TGM4: variants seen among roughly 807,000 people sequenced by gnomAD.
The protein encoded by TGM4 is transglutaminase 4.
Under a neutral mutation model 76.3 loss-of-function variants are expected in TGM4, and 61 were observed. The ratio of observed to expected loss-of-function variants is 0.80; its 90% confidence interval spans 0.65 to 0.99. The LOEUF (loss-of-function observed/expected upper bound fraction) is 0.99. Ranked by LOEUF, TGM4 falls within the 50% of genes least tolerant of loss-of-function variation. TGM4 has a pLI of 0.00. For missense variants in TGM4, 794 were observed against 843.2 expected (o/e 0.94, Z 0.72); for synonymous variants, 337 against 329.8 (o/e 1.02, Z -0.24).
Position 44,910,386 on chromosome 3 carries a change from A to C in TGM4, c.1606+18A>C, listed in dbSNP as rs1699987409. On this transcript the variant is annotated intron_variant, in intron 11 of 13. Transcript: ENST00000296125. ...AGGTCAAGGTACCAGAACCAGAGGG[A>C]GGAGAGGCCTCAAGTGGGCTCAGGG... 2.5e-6 allele frequency: 4 copies of C among 1,608,974 alleles called. No homozygotes were observed. The highest frequency in any genetic ancestry group is 2.7e-5 in the African/African-American group (2 of 74,766).
intron 1 of TGM4, among the ~76,000 whole-genome samples, chr3:44,879,249 C>T (rs1043656509): frequency 2.1e-5 from 2 of 93,622 alleles, no homozygotes; most frequent in African/African-American, 6.5e-5. Context: ...CTCTCTCTCT[C>T]TCTCTCTCTC....
At chr3:44,891,983 G>A (rs1699705248) in intron 4 of TGM4, among the ~76,000 whole-genome samples, 1 of 151,178 alleles carries the variant, frequency 6.6e-6, no homozygotes, top group South Asian at 2.1e-4. Context: ...AATAGGCCAG[G>A]CGCGGTGGCT....
At chr3:44,912,416 C>T (rs899404583) in intron 13 of TGM4, among the ~76,000 whole-genome samples, 1 of 152,068 alleles carries the variant, frequency 6.6e-6, no homozygotes, top group Non-Finnish European at 1.5e-5. Context: ...TGTCAATTCC[C>T]ATATATATCT....
At chr3:44,883,063 T>A (rs1308304609) in intron 1 of TGM4, among the ~76,000 whole-genome samples, 1 of 152,200 alleles carries the variant, frequency 6.6e-6, no homozygotes, top group Admixed American at 6.5e-5. Flanking sequence ...GTCACCCACC[T>A]GCCCAGTCCA....
intron 1 of TGM4, among the ~76,000 whole-genome samples, chr3:44,877,647 A>AT (rs1699468466): frequency 6.6e-6 from 1 of 151,986 alleles, no homozygotes; most frequent in South Asian, 2.1e-4. Flanking sequence ...TCATTTTTTC[A>AT]TTTATCAGAT....
chr3:44,892,560 A>G (rs1420070631), intron 4 of TGM4, among the ~76,000 whole-genome samples: 1 of 151,882 alleles, frequency 6.6e-6, no homozygotes, highest in Non-Finnish European at 1.5e-5. Context: ...TAGTAGAGAC[A>G]GGGTTTCGCC....
chr3:44,883,956 C>G (rs1461762481), intron 1 of TGM4, among the ~76,000 whole-genome samples: 3 of 152,304 alleles, frequency 2.0e-5, no homozygotes, highest in South Asian at 4.1e-4. Context: ...CTGCATCTCA[C>G]CTCACTTTAC....
rs1428356400 is a variant in TGM4, at chr3:44,913,622, A to C, written c.1952A>C (p.Lys651Thr). 1 of 1,614,160 alleles carries C rather than the reference A, an allele frequency of 6.2e-7. No homozygotes were observed. Among genetic ancestry groups the C allele is most frequent in the Non-Finnish European group, 8.5e-7 (1 of 1,180,026 alleles). ...GGTGAGACCATCCAATCCCAAATAA[A>C]ATGCACCCCAATAAAAACTGGACCC... Reference protein sequence around the residue: ...QPGETIQSQIKCTPIKTGPKK... With the variant: ...QPGETIQSQITCTPIKTGPKK... The change falls in exon 14 of 14, where the codon AAA (lysine) becomes ACA (threonine). Residue 651 changes from lysine to threonine, a missense_variant. Coordinates refer to ENST00000296125, the MANE Select transcript of TGM4 (RefSeq NM_003241.4).
chr3:44,893,948 C>CCCCATGGCTCTCTCCCACCA, intron 5 of TGM4, among the ~76,000 whole-genome samples: 1 of 132,160 alleles, frequency 7.6e-6, no homozygotes, highest in East Asian at 2.2e-4. Flanking sequence ...CTCTCCCACC[C>CCCCATGGCTCTCTCCCACCA]CCCACAGCTC....
At chr3:44,908,297 A>G (rs187245524) in intron 10 of TGM4, among the ~76,000 whole-genome samples, 4 of 152,338 alleles carry the variant, frequency 2.6e-5, no homozygotes, top group African/African-American at 9.6e-5. Context: ...TACAGCTGCT[A>G]TCTCTGAAAT....
chr3:44,898,679 C>T (rs958931080), intron 6 of TGM4, among the ~76,000 whole-genome samples: 2 of 152,162 alleles, frequency 1.3e-5, no homozygotes, highest in East Asian at 3.9e-4. Flanking sequence ...TAAGTAGGGG[C>T]TCTTGAAATG....
chr3:44,901,887 T>A lies in TGM4; in HGVS notation c.927T>A (p.Asn309Lys). The A allele has an allele frequency of 6.2e-7, 1 of 1,614,202 alleles. No individual in the cohort carries two copies. The highest frequency in any genetic ancestry group is 1.7e-5 in the Admixed American group (1 of 60,026). ...ACCTCACGGTGGACACCTATGTGAA[T>A]GAGAATGGCGAGAAAATCACCAGTA... is the stretch of plus-strand genomic sequence containing the variant. ...ERNLTVDTYV[N>K]ENGEKITSMT... Residue 309 changes from asparagine to lysine, a missense_variant, in exon 8 of 14, where the codon AAT becomes AAA. By Grantham distance (94) the Asn-to-Lys change is moderately conservative. Transcript: ENST00000296125.
chr3:44,910,257 G>T lies in TGM4; in HGVS notation c.1495G>T (p.Ala499Ser). The T allele has an allele frequency of 6.2e-7, 1 of 1,614,184 alleles. No homozygotes were observed. Among genetic ancestry groups the T allele is most frequent in the Non-Finnish European group, 8.5e-7 (1 of 1,180,026 alleles). Residue 499 changes from alanine (A) to serine (S), a missense_variant, in exon 11 of 14, where the codon GCT becomes TCT. Coordinates refer to ENST00000296125, the MANE Select transcript of TGM4 (RefSeq NM_003241.4). ...NFTVILKRKT[A>S]ALQNVNILGS... ...CACCGTGATTCTTAAAAGGAAGACCGCTGCCCTACAGAATGTCAACATCTT... is the reference window on the plus strand; with the variant it reads ...CACCGTGATTCTTAAAAGGAAGACCTCTGCCCTACAGAATGTCAACATCTT...
At position 44,893,611 on chromosome 3, in the gene TGM4, C is replaced by G; in HGVS notation, c.465C>G (p.Arg155=). The G allele has an allele frequency of 1.2e-6, 2 of 1,613,844 alleles. No homozygotes were observed. Among genetic ancestry groups the G allele is most frequent in the Middle Eastern group, 1.7e-4 (1 of 6,044 alleles). ...TTTTCATGCCTGATGAGGACGAGCG[C>G]AAAGAGTACATCCTCAATGACACGG... The part of the protein sequence containing the change: ...DMVFMPDEDE[R]KEYILNDTGC... Residue 155 remains arginine, a synonymous_variant, in exon 5 of 14, where the codon CGC becomes CGG. Coordinates refer to ENST00000296125, the MANE Select transcript of TGM4 (RefSeq NM_003241.4).
At chr3:44,879,571 C>G (rs1269453354) in intron 1 of TGM4, among the ~76,000 whole-genome samples, 3 of 150,646 alleles carry the variant, frequency 2.0e-5, no homozygotes, top group Admixed American at 6.6e-5. Context: ...CTCCCAGGTT[C>G]ACGCCATTCT....
At chr3:44,877,066 A>G (rs1328023388) in intron 1 of TGM4, among the ~76,000 whole-genome samples, 2 of 152,180 alleles carry the variant, frequency 1.3e-5, no homozygotes, top group African/African-American at 4.8e-5. Flanking sequence ...AAAATTTGGG[A>G]GGCTGAGGTA....
At chr3:44,904,501 C>T (rs538062443) in intron 9 of TGM4, among the ~76,000 whole-genome samples, 28 of 152,072 alleles carry the variant, frequency 1.8e-4, no homozygotes, top group Admixed American at 1.3e-3. Context: ...AGGACCTTGC[C>T]GGGGGACAAG....
chr3:44,907,309 CCAAAAA>C lies in TGM4; in HGVS notation c.1327+110_1327+115del. 1.0e-5 allele frequency: 8 copies of C among 789,596 alleles called. No homozygotes were observed. The South Asian group carries it at 1.1e-4, about 11-fold the overall frequency. 48.9% of individuals were successfully genotyped at this position (789,596 alleles called of 1,614,324 possible). On this transcript the variant is annotated intron_variant, in intron 10 of 13. Coordinates refer to ENST00000296125, the MANE Select transcript of TGM4 (RefSeq NM_003241.4). ...GCAACATGGTGAAACCCCATCCCTACCAAAAAAAAAAAAAAAAAAAAAAATTAGCTG... is the reference window on the plus strand; with the variant it reads ...GCAACATGGTGAAACCCCATCCCTACAAAAAAAAAAAAAAAAAATTAGCTG...
At chr3:44,909,310 C>T (rs1045192804) in intron 10 of TGM4, among the ~76,000 whole-genome samples, 3 of 152,220 alleles carry the variant, frequency 2.0e-5, no homozygotes, top group African/African-American at 7.2e-5. Context: ...TCTGTCTGAG[C>T]TTTTCAAAGC....
Sources: allele counts gnomAD v4.1 joint callset (sites outside exome capture counted in the v4.1 genomes callset), GRCh38; gene constraint gnomAD v4.1.1; transcripts MANE v1.5; gene names NCBI Gene and HGNC (gene_info 2026-07-23, HGNC 2026-07-21).